The following SWT1 variants were observed in gnomAD, a reference collection of about 807,000 sequenced individuals.
SWT1 encodes the protein SWT1 RNA endoribonuclease homolog, also known as transcriptional protein SWT1.
SWT1 carries 33 observed loss-of-function variants against 107.3 expected under a neutral mutation model. The ratio of observed to expected loss-of-function variants is 0.31; its 90% CI spans 0.23 to 0.41. The LOEUF (loss-of-function observed/expected upper bound fraction) is 0.41, where lower values mean the gene tolerates loss of function less well. SWT1 is among the 10% of genes least tolerant of loss of function. The probability of loss-of-function intolerance (pLI) is 1.00; values close to 1 mark genes in which losing one functional copy is unlikely to be tolerated. For missense variants in SWT1, 898 were observed against 1,028.9 expected (o/e 0.87, Z 1.74); for synonymous variants, 345 against 348.3 (o/e 0.99, Z 0.11).
chr1:185,260,581 G>T (rs1662950313), intron 16 of SWT1, among the ~76,000 whole-genome samples: 1 of 152,116 alleles, frequency 6.6e-6, no homozygotes, highest in Non-Finnish European at 1.5e-5. Flanking sequence ...GAATTTGGCG[G>T]TGGCAGTTTC....
intron 15 of SWT1, among the ~76,000 whole-genome samples, chr1:185,226,452 G>A (rs548412103): frequency 6.6e-6 from 1 of 152,098 alleles, no homozygotes; most frequent in Non-Finnish European, 1.5e-5. Flanking sequence ...ATACCAGAGC[G>A]AGGCTGGGCA....
chr1:185,247,034 A>G (rs1194973159), intron 16 of SWT1, among the ~76,000 whole-genome samples: 2 of 152,108 alleles, frequency 1.3e-5, no homozygotes, highest in African/African-American at 4.8e-5. Flanking sequence ...TTTCTTGTTG[A>G]TTGCGTGTGA....
chr1:185,167,963 C>G (rs1654726040), intron 3 of SWT1, among the ~76,000 whole-genome samples: 1 of 152,172 alleles, frequency 6.6e-6, no homozygotes, highest in South Asian at 2.1e-4. Context: ...TACTTCTCGT[C>G]TTTATTATTT....
At chr1:185,234,046 A>G (rs1571575693) in intron 16 of SWT1, among the ~76,000 whole-genome samples, 1 of 152,222 alleles carries the variant, frequency 6.6e-6, no homozygotes, top group South Asian at 2.1e-4. Flanking sequence ...GCCCGGCCTA[A>G]TTTTAAAATA....
intron 12 of SWT1, among the ~76,000 whole-genome samples, chr1:185,205,973 T>C (rs1410274572): frequency 6.6e-6 from 1 of 152,118 alleles, no homozygotes; most frequent in Non-Finnish European, 1.5e-5. Context: ...TGACATCTTT[T>C]TTCTTCTCTT....
intron 16 of SWT1, among the ~76,000 whole-genome samples, chr1:185,235,204 A>G (rs951328910): frequency 6.6e-6 from 1 of 152,240 alleles, no homozygotes; most frequent in Non-Finnish European, 1.5e-5. Flanking sequence ...ATCCTCCCTA[A>G]TGCATTTTAT....
chr1:185,266,300 G>T (rs978320981), intron 16 of SWT1, among the ~76,000 whole-genome samples: 5 of 152,126 alleles, frequency 3.3e-5, no homozygotes, highest in African/African-American at 1.2e-4. Context: ...TCCTGACCTC[G>T]TGATCTGCCC....
chr1:185,289,499 A>G (rs1323868930), intron 18 of SWT1, among the ~76,000 whole-genome samples: 1 of 152,260 alleles, frequency 6.6e-6, no homozygotes, highest in Non-Finnish European at 1.5e-5. Flanking sequence ...CAGTTGGAAT[A>G]GAATTTTTAA....
chr1:185,276,684 A>G lies in SWT1; in HGVS notation c.2573+16A>G, dbSNP rs764257961. 8 of 1,421,078 alleles carry G rather than the reference A, an allele frequency of 5.6e-6. No individual in the cohort carries two copies. In the Admixed American group the frequency reaches 7.1e-5, roughly 13 times the overall value. 88.0% of individuals were successfully genotyped at this position (1,421,078 alleles called of 1,614,324 possible). On this transcript the variant is annotated intron_variant, in intron 18 of 18. Coordinates refer to ENST00000367500, the MANE Select transcript of SWT1 (RefSeq NM_017673.7). ...CTGAGTATAGGTAAGTCATATCTAT[A>G]TATAGATATAAACCATTGTAACAAG...
intron 13 of SWT1, among the ~76,000 whole-genome samples, chr1:185,208,748 T>TC (rs1412588216): frequency 6.6e-6 from 1 of 151,816 alleles, no homozygotes; most frequent in Non-Finnish European, 1.5e-5. Context: ...ATATCTTTTT[T>TC]TTTTTTTTGA....
chr1:185,204,886 T>C, intron 12 of SWT1, 23 bp downstream of exon 12: 8 of 1,464,816 alleles, frequency 5.5e-6, no homozygotes, highest in Non-Finnish European at 7.3e-6. Flanking sequence ...ACTCTATTAG[T>C]TGAAAATTTC....
chr1:185,284,168 C>T (rs77766520), intron 18 of SWT1, among the ~76,000 whole-genome samples: 1,592 of 152,232 alleles, frequency 0.01, 40 homozygotes, highest in East Asian at 0.093. Context: ...GAAATTGTAT[C>T]TCATTGTGAT....
intron 15 of SWT1, among the ~76,000 whole-genome samples, chr1:185,223,849 T>TC (rs1659857024): frequency 2.0e-5 from 3 of 152,144 alleles, no homozygotes; most frequent in Admixed American, 1.3e-4. Flanking sequence ...CCTCCATGTG[T>TC]CCATGTGTTC....
intron 15 of SWT1, among the ~76,000 whole-genome samples, chr1:185,227,965 C>T (rs1035215630): frequency 6.6e-6 from 1 of 151,318 alleles, no homozygotes; most frequent in Non-Finnish European, 1.5e-5. Context: ...GTGGCATGCA[C>T]CTGTGGTCCC....
intron 10 of SWT1, among the ~76,000 whole-genome samples, chr1:185,192,540 C>G (rs1193107574): frequency 6.6e-6 from 1 of 151,718 alleles, no homozygotes; most frequent in Non-Finnish European, 1.5e-5. Context: ...TTCCTCAGCC[C>G]CTGAGTAGCT....
At chr1:185,228,667 T>C (rs1431427298) in intron 15 of SWT1, among the ~76,000 whole-genome samples, 1 of 152,202 alleles carries the variant, frequency 6.6e-6, no homozygotes, top group Non-Finnish European at 1.5e-5. Flanking sequence ...AGGCACTTGG[T>C]AGTATGTCAT....
chr1:185,224,286 T>A (rs1452498858), intron 15 of SWT1, among the ~76,000 whole-genome samples: 2 of 152,178 alleles, frequency 1.3e-5, no homozygotes, highest in Non-Finnish European at 2.9e-5. Flanking sequence ...TCTGTTCCGT[T>A]GGTTTATGTG....
chr1:185,257,369 C>T (rs954587734), intron 16 of SWT1, among the ~76,000 whole-genome samples: 1 of 152,132 alleles, frequency 6.6e-6, no homozygotes, highest in African/African-American at 2.4e-5. Context: ...GGAGGGCGCC[C>T]CTCCCCCAGC....
intron 14 of SWT1, among the ~76,000 whole-genome samples, chr1:185,221,128 C>G (rs1659626813): frequency 6.6e-6 from 1 of 152,142 alleles, no homozygotes; most frequent in Non-Finnish European, 1.5e-5. Context: ...TTATTTGTAT[C>G]ATTCTTCTAA....
Sources: allele counts gnomAD v4.1 joint callset (sites outside exome capture counted in the v4.1 genomes callset), GRCh38; gene constraint gnomAD v4.1.1; transcripts MANE v1.5; gene names NCBI Gene and HGNC (gene_info 2026-07-23, HGNC 2026-07-21).